The following PTPRB variants were observed in gnomAD, a reference collection of about 807,000 sequenced individuals.
PTPRB encodes receptor-type tyrosine-protein phosphatase beta.
PTPRB carries 97 observed loss-of-function variants against 238.1 expected under a neutral mutation model. The ratio of observed to expected loss-of-function variants is 0.41; its 90% CI spans 0.35 to 0.48. PTPRB has a LOEUF of 0.48. Among genes scored for constraint, PTPRB ranks in the 20% least tolerant of loss-of-function variants. PTPRB has a pLI of 0.30. For missense variants in PTPRB, 2,292 were observed against 2,681.9 expected (o/e 0.85, Z 3.21); for synonymous variants, 970 against 995.4 (o/e 0.97, Z 0.48).
At chr12:70,583,185 T>A (rs1221692420) in intron 9 of PTPRB, among the ~76,000 whole-genome samples, 3 of 152,142 alleles carry the variant, frequency 2.0e-5, no homozygotes, top group African/African-American at 4.8e-5. Flanking sequence ...ATTTACCATA[T>A]GACCCAGCAA....
At chr12:70,622,956 G>GC (rs957241924) in intron 2 of PTPRB, among the ~76,000 whole-genome samples, 2 of 150,780 alleles carry the variant, frequency 1.3e-5, no homozygotes, top group Admixed American at 1.3e-4. Flanking sequence ...TTTAGGGGGG[G>GC]GGTCACTGAA....
rs1043390922 is a variant in PTPRB, at chr12:70,536,070, G to A, written c.6036C>T (p.Asn2012=). The A allele has an allele frequency of 3.1e-6, 5 of 1,613,840 alleles. No individual in the cohort carries two copies. The highest frequency in any genetic ancestry group is 1.7e-4 in the Middle Eastern group (1 of 6,026). ...GGGTCACCATGACGATGTTGTGAAC[G>A]TTTTGTTCCCACACCATTTTCCAGA... The part of the protein sequence containing the change: ...DDFWKMVWEQ[N]VHNIVMVTQC... Residue 2012 remains asparagine (N), a synonymous_variant, in exon 29 of 34, where the codon AAC becomes AAT. Transcript: ENST00000334414.
rs1565909833 is a variant in PTPRB at position 70,535,234 on chromosome 12, T to TGG, written c.6082-280_6082-279insCC. Among the ~76,000 whole-genome samples, 221 of 147,736 alleles carry TGG rather than the reference T, an allele frequency of 1.5e-3. 1 individual carries two copies. The highest frequency in any genetic ancestry group is 5.5e-3 in the African/African-American group (217 of 39,134). ...TAATATATGGCTTGAGTTTTTTTTTTTTTTTTTTTTTTTTTTCCCCTCAGC... is the reference window on the plus strand; with the variant it reads ...TAATATATGGCTTGAGTTTTTTTTTTGGTTTTTTTTTTTTTTTTCCCCTCAGC... On this transcript the variant is annotated intron_variant, in intron 29 of 33. Transcript: ENST00000334414.
At chr12:70,599,342 C>G (rs1220020507) in intron 4 of PTPRB, among the ~76,000 whole-genome samples, 1 of 152,054 alleles carries the variant, frequency 6.6e-6, no homozygotes, top group Non-Finnish European at 1.5e-5. Context: ...GGAAATCCTA[C>G]TTGACTTATA....
chr12:70,622,780 G>T, intron 2 of PTPRB, 134 bp from the exon 3 acceptor site: 1 of 1,056,514 alleles, frequency 9.5e-7, no homozygotes, highest in Non-Finnish European at 1.3e-6. Flanking sequence ...ATATGAAAAA[G>T]CAAATATACT....
At chr12:70,630,136 T>C (rs1465845854) in intron 2 of PTPRB, among the ~76,000 whole-genome samples, 2 of 152,112 alleles carry the variant, frequency 1.3e-5, no homozygotes, top group South Asian at 2.1e-4. Context: ...TTTAGACCAA[T>C]ATCCCTGATG....
rs773331210 is a variant in PTPRB at position 70,559,530 on chromosome 12, G to A, written c.4527C>T (p.Asn1509=). The stretch of plus-strand genomic sequence containing the variant: ...TGGGCAACCACTGCAGCTCAAAGTC[G>A]TTGTAGTCTGTCCAGTCTGGGGGCC... ...WKGPPDWTDY[N]DFELQWLPRD... is the part of the protein sequence containing the mutation. Residue 1509 remains asparagine (N), a synonymous_variant, in exon 18 of 34, where the codon AAC becomes AAT. Transcript: ENST00000334414. 2.3e-5 allele frequency: 37 copies of A among 1,613,874 alleles called. No homozygotes were observed. The highest frequency in any genetic ancestry group is 2.5e-5 in the Non-Finnish European group (30 of 1,179,876).
chr12:70,599,917 T>A (rs939789128), intron 4 of PTPRB, among the ~76,000 whole-genome samples: 2 of 151,212 alleles, frequency 1.3e-5, no homozygotes, highest in Non-Finnish European at 2.9e-5. Flanking sequence ...CTATAGTGCA[T>A]CATAATAGTG....
chr12:70,587,601 TTAAG>T (rs1882049919), intron 8 of PTPRB, among the ~76,000 whole-genome samples: 1 of 152,128 alleles, frequency 6.6e-6, no homozygotes, highest in South Asian at 2.1e-4. Context: ...AAGTTCCTGT[TTAAG>T]TATTTAGGTG....
intron 14 of PTPRB, among the ~76,000 whole-genome samples, chr12:70,568,091 C>G (rs1407772250): frequency 6.6e-6 from 1 of 152,210 alleles, no homozygotes; most frequent in Admixed American, 6.5e-5. Context: ...ACAACTTACA[C>G]TTCACCTGGA....
At chr12:70,559,004 GT>G in intron 18 of PTPRB, 1 of 418,824 alleles carries the variant, frequency 2.4e-6, no homozygotes, top group African/African-American at 2.0e-5. Context: ...CTATTTGGAT[GT>G]TTCCTTTTCC....
At chr12:70,624,041 A>G (rs1381478168) in intron 2 of PTPRB, among the ~76,000 whole-genome samples, 1 of 152,218 alleles carries the variant, frequency 6.6e-6, no homozygotes, top group Non-Finnish European at 1.5e-5. Context: ...AATCTTGGCT[A>G]TAAAGCAGTC....
intron 33 of PTPRB, chr12:70,522,727 T>C (rs994981554): frequency 4.6e-5 from 7 of 152,136 alleles, no homozygotes; most frequent in African/African-American, 1.7e-4. Context: ...GGAAAAATAA[T>C]AATTTTTCTA....
intron 12 of PTPRB, 112 bp downstream of exon 12, chr12:70,571,712 T>A: frequency 8.3e-7 from 1 of 1,200,096 alleles, no homozygotes; most frequent in Middle Eastern, 2.6e-4. Context: ...AAGTGAGACT[T>A]ACTGGGAATG....
At chr12:70,529,854 G>C (rs552309306) in intron 32 of PTPRB, among the ~76,000 whole-genome samples, 4 of 152,220 alleles carry the variant, frequency 2.6e-5, no homozygotes, top group African/African-American at 9.6e-5. Flanking sequence ...TCTGCCTTCT[G>C]ATGTCATGCA....
Position 70,571,085 on chromosome 12 carries a change from AT to A in PTPRB, c.3310del (p.Ile1104PhefsTer4). 6.2e-7 allele frequency: 1 copy of A among 1,614,014 alleles called. No individual in the cohort carries two copies. The highest frequency in any genetic ancestry group is 2.2e-5 in the East Asian group (1 of 44,884). On this transcript the variant is annotated frameshift_variant, in exon 13 of 34. Coordinates refer to ENST00000334414, the MANE Select transcript of PTPRB (RefSeq NM_001109754.4). LOFTEE classifies it high-confidence loss of function. The part of the protein sequence containing the change: ...TSLTPGRQYK[I>X]LVLTISGDVQ... ...ATCCCCGCTAATCGTCAAGACAAGA[AT>A]TTTGTATTGGCGGCCTGGTGTTAGG...
At chr12:70,590,288 C>A (rs1056930391) in intron 7 of PTPRB, 55 bp from the exon 8 acceptor site, 19 of 1,470,912 alleles carry the variant, frequency 1.3e-5, no homozygotes, top group African/African-American at 2.8e-5. Context: ...AGTAAGGATA[C>A]TCATTTACTT....
intron 4 of PTPRB, among the ~76,000 whole-genome samples, chr12:70,605,928 C>T (rs926146794): frequency 2.0e-5 from 3 of 152,220 alleles, no homozygotes; most frequent in Non-Finnish European, 4.4e-5. Flanking sequence ...AAAAAAAATG[C>T]CAACTTATTC....
intron 4 of PTPRB, among the ~76,000 whole-genome samples, chr12:70,603,066 G>A (rs981005595): frequency 4.0e-5 from 6 of 150,750 alleles, no homozygotes; most frequent in Middle Eastern, 3.4e-3. Flanking sequence ...TTTTCATTCT[G>A]TCCAGACAAA....
Sources: gnomAD v4.1 joint callset for allele counts (sites outside exome capture counted in the v4.1 genomes callset) on GRCh38, gnomAD v4.1.1 for gene constraint, MANE v1.5 for transcripts, NCBI Gene and HGNC (gene_info 2026-07-23, HGNC 2026-07-21) for gene names.